Variants in PCDHGA4 observed in about 807,000 individuals in gnomAD.
The protein encoded by PCDHGA4 is protocadherin gamma-A4.
Under a neutral mutation model 54.6 loss-of-function variants are expected in PCDHGA4, and 38 were observed. That is an observed-to-expected ratio of 0.70 (90% CI 0.54 to 0.91). PCDHGA4 has a LOEUF of 0.91. Among genes scored for constraint, PCDHGA4 ranks in the 40% least tolerant of loss-of-function variants. The pLI is 0.00. For missense variants in PCDHGA4, 1,298 were observed against 1,220.9 expected (o/e 1.06, Z -0.94); for synonymous variants, 511 against 512.9 (o/e 1.00, Z 0.05).
At chr5:141,481,913 C>CAA (rs34114744) in intron 1 of PCDHGA4, among the ~76,000 whole-genome samples, 26 of 90,736 alleles carry the variant, frequency 2.9e-4, no homozygotes, top group Non-Finnish European at 3.5e-4. Context: ...AACTCCATCT[C>CAA]AAAAAAAAAA....
chr5:141,472,673 C>T (rs2099292538), intron 1 of PCDHGA4, among the ~76,000 whole-genome samples: 3 of 151,340 alleles, frequency 2.0e-5, no homozygotes, highest in Admixed American at 2.0e-4. Context: ...GTATACTGGT[C>T]CTTCCATTTC....
At chr5:141,456,142 C>A (rs1258425044) in intron 1 of PCDHGA4, among the ~76,000 whole-genome samples, 1 of 152,052 alleles carries the variant, frequency 6.6e-6, no homozygotes, top group Non-Finnish European at 1.5e-5. Flanking sequence ...CCTGATCCGC[C>A]CGCCTCGGCC....
chr5:141,370,637 TG>T (rs1257063256), intron 1 of PCDHGA4: 1 of 1,613,770 alleles, frequency 6.2e-7, no homozygotes, highest in Non-Finnish European at 8.5e-7. Flanking sequence ...GCCCCGAAAA[TG>T]GGAACTTACT....
chr5:141,364,945 G>A (rs543776650), intron 1 of PCDHGA4: 6 of 1,613,918 alleles, frequency 3.7e-6, no homozygotes, highest in South Asian at 3.3e-5. Context: ...GCGAGAAAGA[G>A]ACTGTTCACG....
Position 141,364,613 on chromosome 5 carries a change from C to G in PCDHGA4, c.2514+6992C>G, listed in dbSNP as rs776128638. 7 of 1,614,052 alleles carry G rather than the reference C, an allele frequency of 4.3e-6. No homozygotes were observed. The East Asian group carries it at 1.6e-4, about 36-fold the overall frequency. On this transcript the variant is annotated intron_variant, in intron 1 of 3. Coordinates refer to ENST00000571252, the MANE Select transcript of PCDHGA4 (RefSeq NM_018917.4). ...CGCGGGCAGGATAGACCGGGAGGAGCTCTGCGCTCAGAGCCCACTGTGTGT... is the reference window on the plus strand; with the variant it reads ...CGCGGGCAGGATAGACCGGGAGGAGGTCTGCGCTCAGAGCCCACTGTGTGT...
chr5:141,485,503 C>T lies in PCDHGA4; in HGVS notation c.2515-9304C>T, dbSNP rs1057374827. The T allele has an allele frequency of 5.0e-6, 8 of 1,614,096 alleles. No homozygotes were observed. The highest frequency in any genetic ancestry group is 6.8e-6 in the Non-Finnish European group (8 of 1,180,008). On this transcript the variant is annotated intron_variant, in intron 1 of 3. Coordinates refer to ENST00000571252, the MANE Select transcript of PCDHGA4 (RefSeq NM_018917.4). This position sits in a 1 kb window ranked among gnomAD's most constrained non-coding sequence, Gnocchi z 5.7. ...GCATCGTGCCCCTGGAGTTTGTCAC[C>T]GAAGGTCCTTTGGAAATGTACCGAG...
Position 141,486,954 on chromosome 5 carries a change from C to T in PCDHGA4, c.2515-7853C>T, listed in dbSNP as rs764632268. 3.7e-6 allele frequency: 6 copies of T among 1,614,114 alleles called. 1 individual carries two copies. The South Asian group carries it at 6.6e-5, about 18-fold the overall frequency. On this transcript the variant is annotated intron_variant, in intron 1 of 3. Coordinates refer to ENST00000571252, the MANE Select transcript of PCDHGA4 (RefSeq NM_018917.4). The surrounding 1 kb of genome is among the most constrained non-coding windows in gnomAD (Gnocchi z 5.0). ...GCTGGCCACCTAATCACAAAGGTGA[C>T]TGCTGTGGACTTGGATTCAGGTTAC...
chr5:141,390,591 T>G, intron 1 of PCDHGA4: 1 of 333,500 alleles, frequency 3.0e-6, no homozygotes, highest in Non-Finnish European at 5.4e-6. Flanking sequence ...TGAATGAGAT[T>G]TTTCCTATAC....
chr5:141,499,551 A>T (rs1178321389), intron 2 of PCDHGA4, among the ~76,000 whole-genome samples: 1 of 152,200 alleles, frequency 6.6e-6, no homozygotes, highest in Non-Finnish European at 1.5e-5. Flanking sequence ...AACCTGTATG[A>T]TACCACTATC....
rs551129846 is a variant in PCDHGA4, at chr5:141,432,711, A to T, written c.2515-62096A>T. 5 of 1,613,944 alleles carry T rather than the reference A, an allele frequency of 3.1e-6. No individual in the cohort carries two copies. The Admixed American group carries it at 8.3e-5, about 27-fold the overall frequency. ...GTAGTGGCCGTCCAGGACCACGGCCAGCCCCCTCTCTCCGCCACTGTCACG... is the reference window on the plus strand; with the variant it reads ...GTAGTGGCCGTCCAGGACCACGGCCTGCCCCCTCTCTCCGCCACTGTCACG... On this transcript the variant is annotated intron_variant, in intron 1 of 3. Transcript: ENST00000571252. This position sits in a 1 kb window ranked among gnomAD's most constrained non-coding sequence, Gnocchi z 6.0.
chr5:141,366,198 C>T (rs187196267), intron 1 of PCDHGA4: 35 of 1,613,892 alleles, frequency 2.2e-5, no homozygotes, highest in African/African-American at 2.7e-5. Flanking sequence ...GGGCTGCACA[C>T]GGGCGAGGTG....
chr5:141,444,240 C>T (rs1017550385), intron 1 of PCDHGA4, among the ~76,000 whole-genome samples: 4 of 128,690 alleles, frequency 3.1e-5, no homozygotes, highest in African/African-American at 5.9e-5. Context: ...GGCATGCTCT[C>T]GGCTCACTGC....
chr5:141,360,607 CT>C, intron 1 of PCDHGA4: 1 of 1,614,018 alleles, frequency 6.2e-7, no homozygotes, highest in Middle Eastern at 1.7e-4. Flanking sequence ...TGACCCAGCC[CT>C]GGATTCAGAT....
chr5:141,460,091 A>G (rs2098981847), intron 1 of PCDHGA4, among the ~76,000 whole-genome samples: 1 of 152,002 alleles, frequency 6.6e-6, no homozygotes, highest in Non-Finnish European at 1.5e-5. Flanking sequence ...AATAATAATT[A>G]TACATGTAAT....
intron 1 of PCDHGA4, chr5:141,372,467 C>T: frequency 6.2e-7 from 1 of 1,614,050 alleles, no homozygotes; most frequent in Non-Finnish European, 8.5e-7. Flanking sequence ...TACAGTTTCA[C>T]CTAGTAGTGG....
In PCDHGA4 at chr5:141,485,822, G is replaced by A. The variant is rs750883983; in HGVS notation, c.2515-8985G>A. 6.2e-7 allele frequency: 1 copy of A among 1,614,192 alleles called. No individual in the cohort carries two copies. The highest frequency in any genetic ancestry group is 1.1e-5 in the South Asian group (1 of 91,080). ...CCGCCTGGTGCTGACTGCTGTCGAT[G>A]GAGGGAACCCGCCGAGATCTGGCAC... On this transcript the variant is annotated intron_variant, in intron 1 of 3. Transcript: ENST00000571252. This position sits in a 1 kb window ranked among gnomAD's most constrained non-coding sequence, Gnocchi z 5.7.
chr5:141,418,360 G>A (rs544948410), intron 1 of PCDHGA4: 3 of 1,613,990 alleles, frequency 1.9e-6, no homozygotes, highest in Non-Finnish European at 2.5e-6. Context: ...TGAATTCGCT[G>A]AGCAAATACC....
rs778198822 is a variant in PCDHGA4 at position 141,432,802 on chromosome 5, A to G, written c.2515-62005A>G. 29 of 1,613,964 alleles carry G rather than the reference A, an allele frequency of 1.8e-5. No individual in the cohort carries two copies. The African/African-American group carries it at 3.6e-4, about 20-fold the overall frequency. On this transcript the variant is annotated intron_variant, in intron 1 of 3. Coordinates refer to ENST00000571252, the MANE Select transcript of PCDHGA4 (RefSeq NM_018917.4). This position sits in a 1 kb window ranked among gnomAD's most constrained non-coding sequence, Gnocchi z 6.0. ...CGGACCTCGGCAGCCTCGAGTCTCC[A>G]GCTAACTCTGAAACCTCAGACCTCA...
At chr5:141,460,795 G>A (rs1007673184) in intron 1 of PCDHGA4, among the ~76,000 whole-genome samples, 3 of 151,492 alleles carry the variant, frequency 2.0e-5, no homozygotes, top group African/African-American at 4.9e-5. Flanking sequence ...TACACACAAA[G>A]TATATATATG....
Sources: allele counts gnomAD v4.1 joint callset (sites outside exome capture counted in the v4.1 genomes callset), GRCh38; gene constraint gnomAD v4.1.1; non-coding constraint Gnocchi (gnomAD v3.1); transcripts MANE v1.5; gene names NCBI Gene and HGNC (gene_info 2026-07-23, HGNC 2026-07-21).